Variants in PRORP observed in about 807,000 individuals in gnomAD.
PRORP encodes the protein mitochondrial ribonuclease P catalytic subunit.
A neutral mutation model predicts 59.4 loss-of-function variants in PRORP; 51 were observed. The observed-to-expected ratio is 0.86, with a 90% CI of 0.69 to 1.08. The LOEUF (loss-of-function observed/expected upper bound fraction) is 1.08, where lower values mean the gene tolerates loss of function less well. Ranked by LOEUF, PRORP falls within the 50% of genes least tolerant of loss-of-function variation. The pLI, the probability that PRORP is intolerant of heterozygous loss-of-function variation, is 0.00. For synonymous variants in PRORP, 231 were observed against 245.6 expected (o/e 0.94, Z 0.55); for missense variants, 646 against 690.3 (o/e 0.94, Z 0.72).
intron 4 of PRORP, among the ~76,000 whole-genome samples, chr14:35,132,813 A>G (rs1485013122): frequency 6.6e-6 from 1 of 151,796 alleles, no homozygotes; most frequent in Non-Finnish European, 1.5e-5. Context: ...GAAGAAGGAA[A>G]GGAAAGGAAA....
intron 5 of PRORP, among the ~76,000 whole-genome samples, chr14:35,263,687 C>CA (rs1158702463): frequency 4.0e-5 from 6 of 151,080 alleles, no homozygotes; most frequent in Non-Finnish European, 7.4e-5. Context: ...GACTCTGTCT[C>CA]AAAAAAAATA....
chr14:35,254,743 A>G (rs983293969), intron 5 of PRORP, among the ~76,000 whole-genome samples: 6 of 152,160 alleles, frequency 3.9e-5, no homozygotes, highest in African/African-American at 1.4e-4. Flanking sequence ...TCAGGCAGGA[A>G]AAGACTTTAT....
chr14:35,233,250 C>T (rs1204453664), intron 5 of PRORP, among the ~76,000 whole-genome samples: 1 of 150,044 alleles, frequency 6.7e-6, no homozygotes, highest in Non-Finnish European at 1.5e-5. Flanking sequence ...TAGGTACTTA[C>T]CATCGGCTAC....
intron 3 of PRORP, among the ~76,000 whole-genome samples, chr14:35,126,994 A>G (rs2047114596): frequency 6.6e-6 from 1 of 152,222 alleles, no homozygotes. Context: ...ATGAAGTCTT[A>G]GAGATGTTTT....
chr14:35,157,488 G>A (rs1316313015), intron 4 of PRORP, among the ~76,000 whole-genome samples: 1 of 152,162 alleles, frequency 6.6e-6, no homozygotes, highest in East Asian at 1.9e-4. Flanking sequence ...CATTGTTCCT[G>A]TAAACTATGT....
intron 5 of PRORP, among the ~76,000 whole-genome samples, chr14:35,228,411 T>C (rs2049991028): frequency 6.6e-6 from 1 of 152,212 alleles, no homozygotes; most frequent in African/African-American, 2.4e-5. Context: ...ACCCAGGTAG[T>C]GAACATAGTA....
chr14:35,236,136 C>T (rs1410899345), intron 5 of PRORP, among the ~76,000 whole-genome samples: 1 of 149,716 alleles, frequency 6.7e-6, no homozygotes, highest in Non-Finnish European at 1.5e-5. Context: ...GAAACTAAGA[C>T]CCAGAAAAGG....
chr14:35,233,097 C>T (rs2050123415), intron 5 of PRORP, among the ~76,000 whole-genome samples: 1 of 137,046 alleles, frequency 7.3e-6, no homozygotes, highest in Admixed American at 8.9e-5. Context: ...CTTCAGTTTC[C>T]CCTTTTCTTT....
At chr14:35,169,613 G>A (rs912588405) in intron 4 of PRORP, among the ~76,000 whole-genome samples, 3 of 152,152 alleles carry the variant, frequency 2.0e-5, no homozygotes, top group African/African-American at 7.2e-5. Context: ...TTCAGATCTG[G>A]TGAGAATTCA....
At chr14:35,265,381 AT>A (rs2051014155) in intron 5 of PRORP, among the ~76,000 whole-genome samples, 1 of 152,232 alleles carries the variant, frequency 6.6e-6, no homozygotes, top group Non-Finnish European at 1.5e-5. Flanking sequence ...AGTAATATCC[AT>A]TTATAGCTTA....
At chr14:35,203,546 T>TA (rs2049211029) in intron 5 of PRORP, among the ~76,000 whole-genome samples, 1 of 152,022 alleles carries the variant, frequency 6.6e-6, no homozygotes, top group Admixed American at 6.6e-5. Flanking sequence ...AAAATTAAAT[T>TA]AAAAATCCAG....
rs2046978947 is a variant in PRORP at position 35,123,143 on chromosome 14, C to T, written c.-103C>T. The T allele has an allele frequency of 8.5e-7, 1 of 1,177,576 alleles. No homozygotes were observed. Among genetic ancestry groups the T allele is most frequent in the South Asian group, 1.5e-5 (1 of 67,030 alleles). 72.9% of individuals were successfully genotyped at this position (1,177,576 alleles called of 1,614,324 possible). On this transcript the variant is annotated 5_prime_UTR_variant, in exon 2 of 8. Transcript: ENST00000534898. ...GAAACACAAACCTTTTAAAAAGTTC[C>T]ACTTCGACTCTGCACCGCCGACCCC...
intron 5 of PRORP, among the ~76,000 whole-genome samples, chr14:35,228,770 G>T (rs139695844): frequency 1.3e-5 from 2 of 152,302 alleles, no homozygotes; most frequent in East Asian, 3.9e-4. Flanking sequence ...ATGAACATAT[G>T]AGTGCATGTG....
chr14:35,205,166 T>A (rs1221506681), intron 5 of PRORP, among the ~76,000 whole-genome samples: 13 of 152,074 alleles, frequency 8.5e-5, no homozygotes, highest in African/African-American at 1.7e-4. Flanking sequence ...CTCTATTTTT[T>A]AAAAAAATAT....
intron 4 of PRORP, among the ~76,000 whole-genome samples, chr14:35,172,982 C>T (rs2048359693): frequency 6.6e-6 from 1 of 151,954 alleles, no homozygotes; most frequent in African/African-American, 2.4e-5. Flanking sequence ...ATTCTCTTGC[C>T]TTAGCCTCCT....
In PRORP at chr14:35,126,726, T is replaced by C; in HGVS notation, c.987-9T>C. ...CTTCTCATGATTTGGTTTTGCAATC[T>C]TTTCATAGTGTTCCTGGAAAACAAT... On this transcript the variant is annotated splice_polypyrimidine_tract_variant and intron_variant, in intron 2 of 7. Coordinates refer to ENST00000534898, the MANE Select transcript of PRORP (RefSeq NM_014672.4). 1 of 1,605,860 alleles carries C rather than the reference T, an allele frequency of 6.2e-7. No homozygotes were observed. The highest frequency in any genetic ancestry group is 8.5e-7 in the Non-Finnish European group (1 of 1,174,672).
At chr14:35,146,399 T>G (rs1013835763) in intron 4 of PRORP, among the ~76,000 whole-genome samples, 5 of 152,214 alleles carry the variant, frequency 3.3e-5, no homozygotes, top group African/African-American at 9.6e-5. Context: ...ATGACCCTAA[T>G]GAAATGTCAG....
chr14:35,236,927 CTCTCTT>C lies in PRORP; in HGVS notation c.1276-29795_1276-29790del, dbSNP rs2050230732. 2.0e-5 allele frequency among the ~76,000 whole-genome samples: 3 copies of C among 149,722 alleles called. No homozygotes were observed. The South Asian group carries it at 6.4e-4, about 32-fold the overall frequency. On this transcript the variant is annotated intron_variant, in intron 5 of 7. Transcript: ENST00000534898. Reference sequence around the variant, plus strand: ...TCTCTCTCTCATCTTCTTTCTTTCTCTCTCTTTCTCCTTCTTTCTTTCATTTTTCTT... The same window carrying C: ...TCTCTCTCTCATCTTCTTTCTTTCTCTCTCCTTCTTTCTTTCATTTTTCTT...
At chr14:35,220,551 A>G (rs2138439862) in intron 5 of PRORP, among the ~76,000 whole-genome samples, 1 of 152,288 alleles carries the variant, frequency 6.6e-6, no homozygotes, top group East Asian at 1.9e-4. Context: ...ACAGTTCATG[A>G]CATTGTGAGC....
Sources: gnomAD v4.1 joint callset for allele counts (sites outside exome capture counted in the v4.1 genomes callset) on GRCh38, gnomAD v4.1.1 for gene constraint, MANE v1.5 for transcripts, NCBI Gene and HGNC (gene_info 2026-07-23, HGNC 2026-07-21) for gene names.